Variants in DAB1 observed in about 807,000 individuals in gnomAD.
The protein encoded by DAB1 is DAB adaptor protein 1, also known as disabled homolog 1.
DAB1 carries 15 observed loss-of-function variants against 64.6 expected under a neutral mutation model. That is an observed-to-expected ratio of 0.23 (90% CI 0.16 to 0.36). DAB1 has a LOEUF of 0.36. Ranked by LOEUF, DAB1 falls within the 10% of genes least tolerant of loss-of-function variation. The pLI is 1.00. For missense variants in DAB1, 596 were observed against 706.7 expected, an observed-to-expected ratio of 0.84 and a Z score of 1.78; for synonymous variants, 235 against 251.9, an observed-to-expected ratio of 0.93 and a Z score of 0.64.
chr1:57,735,778 T>C (rs903721532), intron 6 of DAB1, among the ~76,000 whole-genome samples: 1 of 152,182 alleles, frequency 6.6e-6, no homozygotes, highest in African/African-American at 2.4e-5. Flanking sequence ...TTGTTTAGAA[T>C]GTTAAATATC....
At chr1:57,975,197 A>C (rs1421416775) in intron 5 of DAB1, among the ~76,000 whole-genome samples, 4 of 152,204 alleles carry the variant, frequency 2.6e-5, no homozygotes, top group African/African-American at 7.2e-5. Flanking sequence ...AGTCCTCACC[A>C]GACACTAGAT....
At chr1:58,056,198 G>A (rs562659860) in intron 5 of DAB1, 54 of 1,525,516 alleles carry the variant, frequency 3.5e-5, no homozygotes, top group East Asian at 3.4e-4. Flanking sequence ...GGGGGTGTTC[G>A]GTCCTTGCGG....
In DAB1 at chr1:58,522,726, T is replaced by G. The variant is rs531411735; in HGVS notation, n.107+4535A>C. Among the ~76,000 whole-genome samples, 3 of 152,330 alleles carry G rather than the reference T, an allele frequency of 2.0e-5. No homozygotes were observed. The South Asian group carries it at 6.2e-4, about 32-fold the overall frequency. ...CAGTAACACAGTAAATTAACATGTT[T>G]TGTATGTTATATGTATTATATACTG... On this transcript the variant is annotated intron_variant and non_coding_transcript_variant, in intron 2 of 20. Coordinates refer to the DAB1 transcript ENST00000485760.
chr1:57,745,123 G>C (rs1363548130), intron 6 of DAB1, among the ~76,000 whole-genome samples: 1 of 152,134 alleles, frequency 6.6e-6, no homozygotes, highest in East Asian at 1.9e-4. Flanking sequence ...TTATAGATTA[G>C]GGATAGTAAT....
At chr1:57,041,116 A>T (rs1647727312) in intron 9 of DAB1, among the ~76,000 whole-genome samples, 1 of 152,248 alleles carries the variant, frequency 6.6e-6, no homozygotes, top group Non-Finnish European at 1.5e-5. Context: ...AAAGGAAAAA[A>T]TAGCCAGGAG....
intron 5 of DAB1, among the ~76,000 whole-genome samples, chr1:57,989,397 A>C (rs1398357790): frequency 6.6e-6 from 1 of 152,014 alleles, no homozygotes; most frequent in Non-Finnish European, 1.5e-5. Flanking sequence ...GATTAAACCT[A>C]TTTTCCTTTT....
At chr1:57,156,923 G>A (rs1214244258) in intron 2 of DAB1, among the ~76,000 whole-genome samples, 2 of 152,198 alleles carry the variant, frequency 1.3e-5, no homozygotes, top group Admixed American at 6.5e-5. Flanking sequence ...AGCAGCAGAA[G>A]TCTCTGCCAA....
chr1:57,353,336 G>A (rs1012819047), intron 1 of DAB1, among the ~76,000 whole-genome samples: 3 of 152,062 alleles, frequency 2.0e-5, no homozygotes, highest in African/African-American at 7.2e-5. Flanking sequence ...CTGTCCTCAA[G>A]GAGGATATGG....
At chr1:58,114,822 T>A (rs1398555605) in intron 5 of DAB1, among the ~76,000 whole-genome samples, 1 of 152,222 alleles carries the variant, frequency 6.6e-6, no homozygotes, top group Non-Finnish European at 1.5e-5. Flanking sequence ...TCAGTGTGTA[T>A]TGTTACAACT....
intron 3 of DAB1, among the ~76,000 whole-genome samples, chr1:58,434,217 G>A (rs1421270196): frequency 6.6e-6 from 1 of 152,132 alleles, no homozygotes. Context: ...ACGTTAAGGG[G>A]CAAGGAAAGG....
chr1:58,347,370 A>G (rs1644011600), intron 3 of DAB1, among the ~76,000 whole-genome samples: 1 of 152,174 alleles, frequency 6.6e-6, no homozygotes, highest in Non-Finnish European at 1.5e-5. Flanking sequence ...AGCTTCCCAA[A>G]GTGCTGATTG....
chr1:58,123,415 A>G (rs1403381976), intron 5 of DAB1, among the ~76,000 whole-genome samples: 5 of 152,200 alleles, frequency 3.3e-5, no homozygotes, highest in Non-Finnish European at 7.4e-5. Flanking sequence ...TAAACTATAT[A>G]GCAGGATTTT....
intron 4 of DAB1, among the ~76,000 whole-genome samples, chr1:58,270,384 C>G (rs1156567090): frequency 7.6e-6 from 1 of 132,102 alleles, no homozygotes; most frequent in Non-Finnish European, 1.6e-5. Context: ...TGATCTATAT[C>G]TCTGTTTTGG....
intron 7 of DAB1, among the ~76,000 whole-genome samples, chr1:57,449,114 C>A (rs1201517340): frequency 6.6e-6 from 1 of 152,130 alleles, no homozygotes; most frequent in Non-Finnish European, 1.5e-5. Flanking sequence ...CTTGCCCCTG[C>A]CCGTTGTTAT....
At chr1:57,169,197 G>A (rs895244309) in intron 2 of DAB1, among the ~76,000 whole-genome samples, 1 of 152,078 alleles carries the variant, frequency 6.6e-6, no homozygotes, top group African/African-American at 2.4e-5. Flanking sequence ...TCTTGTCACC[G>A]ACTGAGTTGT....
chr1:57,549,817 T>G (rs768253372), intron 7 of DAB1, among the ~76,000 whole-genome samples: 108 of 152,268 alleles, frequency 7.1e-4, no homozygotes, highest in Non-Finnish European at 8.7e-4. Context: ...AGAGAGAATT[T>G]ATGAAGCAGA....
intron 9 of DAB1, among the ~76,000 whole-genome samples, chr1:57,042,389 C>A (rs1647901504): frequency 6.6e-6 from 1 of 152,170 alleles, no homozygotes; most frequent in Admixed American, 6.5e-5. Context: ...ATCATGATTT[C>A]TACTTTTATT....
intron 10 of DAB1, among the ~76,000 whole-genome samples, chr1:57,024,188 G>A (rs550339245): frequency 1.5e-4 from 20 of 132,166 alleles, no homozygotes; most frequent in East Asian, 2.5e-4. Flanking sequence ...CACACCCCCC[G>A]TCAGCGCCCC....
chr1:57,097,828 A>C (rs972261719), intron 4 of DAB1, among the ~76,000 whole-genome samples: 3 of 151,780 alleles, frequency 2.0e-5, no homozygotes, highest in Non-Finnish European at 4.4e-5. Flanking sequence ...CACAGGCTGG[A>C]GTGCAGTGGT....
Sources: allele counts gnomAD v4.1 joint callset (sites outside exome capture counted in the v4.1 genomes callset), GRCh38; gene constraint gnomAD v4.1.1; transcripts MANE v1.5; gene names NCBI Gene and HGNC (gene_info 2026-07-23, HGNC 2026-07-21).